HIP1: variants seen among roughly 807,000 people sequenced by gnomAD.
HIP1 encodes the protein huntingtin interacting protein 1, also known as huntingtin-interacting protein 1.
Under a neutral mutation model 147.6 loss-of-function variants are expected in HIP1, and 65 were observed. The ratio of observed to expected loss-of-function variants is 0.44; its 90% CI spans 0.36 to 0.54. HIP1 has a LOEUF of 0.54. Ranked by LOEUF, HIP1 falls within the 20% of genes least tolerant of loss-of-function variation. HIP1 has a pLI of 0.00. For missense variants in HIP1, 1,061 were observed against 1,299.6 expected, an observed-to-expected ratio of 0.82 and a Z score of 2.82; for synonymous variants, 479 against 504.0, an observed-to-expected ratio of 0.95 and a Z score of 0.67.
chr7:75,665,096 C>CA (rs571184779), intron 1 of HIP1, among the ~76,000 whole-genome samples: 3 of 151,586 alleles, frequency 2.0e-5, no homozygotes, highest in Admixed American at 6.6e-5. Flanking sequence ...CCTGTTTCTA[C>CA]AAAAAAAATT....
chr7:75,641,558 C>T (rs527652853), intron 1 of HIP1, among the ~76,000 whole-genome samples: 97 of 151,210 alleles, frequency 6.4e-4, no homozygotes, highest in African/African-American at 2.3e-3. Context: ...ATGGTGCAAT[C>T]TCAGCTCACC....
rs587630225 is a variant in HIP1 at position 75,559,826 on chromosome 7, G to T, written c.1281C>A (p.Ala427=). Residue 427 remains alanine, a synonymous_variant, in exon 14 of 31, where the codon GCC becomes GCA. Transcript: ENST00000336926. ...CTGCCCGCAGGAATTCACAGTCGTC[G>T]GCCGCCTGCTGCCGCAGGTGCTGCT... ...AEQQHLRQQA[A]DDCEFLRAEL... is the part of the protein sequence containing the mutation. The T allele has an allele frequency of 2.8e-5, 45 of 1,612,682 alleles. No homozygotes were observed. Among genetic ancestry groups the T allele is most frequent in the Non-Finnish European group, 3.6e-5 (43 of 1,179,886 alleles).
intron 1 of HIP1, among the ~76,000 whole-genome samples, chr7:75,669,091 T>C (rs150610917): frequency 0.068 from 10,100 of 148,312 alleles, 580 homozygotes; most frequent in Admixed American, 0.18. Context: ...ACAGGCCGGG[T>C]GTGGTGGCTC....
At chr7:75,676,261 C>G (rs1221464889) in intron 1 of HIP1, among the ~76,000 whole-genome samples, 1 of 152,146 alleles carries the variant, frequency 6.6e-6, no homozygotes, top group Non-Finnish European at 1.5e-5. Flanking sequence ...CTCTTGGAAC[C>G]AACACATCTA....
chr7:75,583,759 TGTGTG>T (rs1796146443), intron 5 of HIP1, among the ~76,000 whole-genome samples: 1 of 30,970 alleles, frequency 3.2e-5, no homozygotes. Flanking sequence ...GGCTAATTTG[TGTGTG>T]TGTGTGTGTG....
intron 15 of HIP1, 63 bp downstream of exon 15, chr7:75,558,104 T>G: frequency 7.9e-6 from 11 of 1,389,836 alleles, no homozygotes; most frequent in African/African-American, 1.4e-5. Flanking sequence ...GCCACAGGCC[T>G]GAGCCGCTCT....
chr7:75,548,097 C>T (rs945405841), intron 23 of HIP1, among the ~76,000 whole-genome samples: 14 of 151,764 alleles, frequency 9.2e-5, no homozygotes, highest in African/African-American at 3.1e-4. Context: ...GGTACGATCT[C>T]GGCTCACTGC....
At chr7:75,660,050 G>T (rs141979542) in intron 1 of HIP1, among the ~76,000 whole-genome samples, 27 of 150,130 alleles carry the variant, frequency 1.8e-4, no homozygotes, top group East Asian at 1.2e-3. Context: ...CGCGTGAACC[G>T]GAGAAGCGGA....
chr7:75,727,671 C>A (rs1219793616), intron 1 of HIP1, among the ~76,000 whole-genome samples: 1 of 151,780 alleles, frequency 6.6e-6, no homozygotes, highest in African/African-American at 2.4e-5. Flanking sequence ...CATGGTGAAA[C>A]CCCGTCTCTA....
intron 1 of HIP1, among the ~76,000 whole-genome samples, chr7:75,644,054 C>T (rs1798729121): frequency 6.6e-6 from 1 of 152,106 alleles, no homozygotes; most frequent in Non-Finnish European, 1.5e-5. Context: ...TATGGGTAGG[C>T]CCTGGAGGTA....
At chr7:75,635,246 C>T (rs782498120) in intron 1 of HIP1, among the ~76,000 whole-genome samples, 6 of 152,108 alleles carry the variant, frequency 3.9e-5, no homozygotes, top group Admixed American at 1.3e-4. Flanking sequence ...CCACTGTCTC[C>T]AGTCGTGTGT....
At chr7:75,647,248 A>AAAAAAAAT (rs1798828979) in intron 1 of HIP1, among the ~76,000 whole-genome samples, 2 of 139,834 alleles carry the variant, frequency 1.4e-5, no homozygotes. Flanking sequence ...AAAAAAAAAA[A>AAAAAAAAT]TTAGCCAGAC....
At chr7:75,603,053 A>G (rs587750761) in intron 1 of HIP1, among the ~76,000 whole-genome samples, 28 of 151,432 alleles carry the variant, frequency 1.8e-4, no homozygotes, top group African/African-American at 6.1e-4. Flanking sequence ...GAAGCTAGAA[A>G]GAATCCTTCC....
chr7:75,592,486 T>C lies in HIP1; in HGVS notation c.213A>G (p.Lys71=). 1.2e-6 allele frequency: 2 copies of C among 1,610,530 alleles called. No individual in the cohort carries two copies. Among genetic ancestry groups the C allele is most frequent in the Non-Finnish European group, 1.7e-6 (2 of 1,179,230 alleles). ...RTCILGTHHE[K]GAQTFWSVVN... ...CAACAGACCAGAAGGTCTGTGCCCCTTTCTCATGGTGGGTGCCCAGTATGC... is the reference window on the plus strand; with the variant it reads ...CAACAGACCAGAAGGTCTGTGCCCCCTTCTCATGGTGGGTGCCCAGTATGC... The change falls in exon 3 of 31, where the codon AAA becomes AAG. Residue 71 remains lysine (K), a synonymous_variant. Coordinates refer to ENST00000336926, the MANE Select transcript of HIP1 (RefSeq NM_005338.7).
chr7:75,557,726 C>T lies in HIP1; in HGVS notation c.1509G>A (p.Gln503=). 1 of 1,614,174 alleles carries T rather than the reference C, an allele frequency of 6.2e-7. No individual in the cohort carries two copies. The highest frequency in any genetic ancestry group is 8.5e-7 in the Non-Finnish European group (1 of 1,180,040). ...TKQVSMARQA[Q]VDLEREKKEL... is the part of the protein sequence containing the mutation. The stretch of plus-strand genomic sequence containing the variant: ...CTTTTTTCTCTCGTTCCAAATCTAC[C>T]TGGGCTTGTCTGGCCATGGACACCT... Residue 503 remains glutamine, a synonymous_variant, in exon 16 of 31, where the codon CAG becomes CAA. Transcript: ENST00000336926.
chr7:75,550,420 AT>A (rs1794739765), intron 22 of HIP1, among the ~76,000 whole-genome samples: 1 of 151,926 alleles, frequency 6.6e-6, no homozygotes, highest in Non-Finnish European at 1.5e-5. Context: ...TTTTATTTTT[AT>A]TTTTTAAAGA....
chr7:75,545,607 A>G (rs1794528446), intron 25 of HIP1, among the ~76,000 whole-genome samples: 1 of 151,678 alleles, frequency 6.6e-6, no homozygotes, highest in South Asian at 2.1e-4. Context: ...GCGTCACTGC[A>G]CTCTAGCCTG....
chr7:75,614,335 G>A (rs1226811335), intron 1 of HIP1, among the ~76,000 whole-genome samples: 2 of 152,020 alleles, frequency 1.3e-5, no homozygotes, highest in African/African-American at 2.4e-5. Context: ...GCCATGCGCT[G>A]GGCCCTAAAA....
intron 1 of HIP1, among the ~76,000 whole-genome samples, chr7:75,674,081 G>T (rs1183143929): frequency 2.0e-5 from 3 of 152,082 alleles, no homozygotes; most frequent in Non-Finnish European, 2.9e-5. Flanking sequence ...TGTTGTAATA[G>T]AAAACTTTGT....
Sources: gnomAD v4.1 joint callset for allele counts (sites outside exome capture counted in the v4.1 genomes callset) on GRCh38, gnomAD v4.1.1 for gene constraint, MANE v1.5 for transcripts, NCBI Gene and HGNC (gene_info 2026-07-23, HGNC 2026-07-21) for gene names.